Variants in WDFY3 observed in about 807,000 individuals in gnomAD.
The protein encoded by WDFY3 is WD repeat and FYVE domain-containing protein 3.
In WDFY3, 66 loss-of-function variants were observed where a neutral mutation model predicts 409.6. That is an observed-to-expected ratio of 0.16 (90% CI 0.13 to 0.20). WDFY3 has a LOEUF of 0.20. Among genes scored for constraint, WDFY3 ranks in the 10% least tolerant of loss-of-function variants. The pLI is 1.00. For synonymous variants in WDFY3, 1,521 were observed against 1,537.1 expected (o/e 0.99, Z 0.25); for missense variants, 3,031 against 4,298.1 (o/e 0.71, Z 8.24).
chr4:84,889,746 GT>G (rs1192450261), intron 3 of WDFY3, among the ~76,000 whole-genome samples: 1 of 152,104 alleles, frequency 6.6e-6, no homozygotes, highest in Non-Finnish European at 1.5e-5. Flanking sequence ...GCTTTATAAT[GT>G]TGTAAGAAAA....
chr4:84,787,844 A>T, intron 22 of WDFY3, 131 bp from the exon 23 acceptor site: 1 of 809,412 alleles, frequency 1.2e-6, no homozygotes, highest in Non-Finnish European at 1.9e-6. Flanking sequence ...TTTGGGGTGG[A>T]GAAACAGGAA....
chr4:84,691,173 A>T (rs1205043129), intron 60 of WDFY3, among the ~76,000 whole-genome samples: 1 of 152,210 alleles, frequency 6.6e-6, no homozygotes, highest in Non-Finnish European at 1.5e-5. Context: ...TGTCTCTCCA[A>T]GAGGTACTTA....
At chr4:84,915,400 T>C (rs1043057779) in intron 2 of WDFY3, among the ~76,000 whole-genome samples, 3 of 152,190 alleles carry the variant, frequency 2.0e-5, no homozygotes, top group African/African-American at 4.8e-5. Flanking sequence ...AGAATTTAAT[T>C]TGATCTAAAG....
chr4:84,932,982 G>T (rs1770957704), intron 1 of WDFY3, among the ~76,000 whole-genome samples: 1 of 152,072 alleles, frequency 6.6e-6, no homozygotes, highest in Non-Finnish European at 1.5e-5. Flanking sequence ...ATGAGATCTA[G>T]TTTCTTAGGC....
chr4:84,762,699 T>C (rs1475207119), intron 32 of WDFY3, among the ~76,000 whole-genome samples: 2 of 152,186 alleles, frequency 1.3e-5, no homozygotes, highest in African/African-American at 2.4e-5. Flanking sequence ...TGTAAAATTA[T>C]TGTTTTCTTT....
chr4:84,931,276 A>G (rs1770732173), intron 2 of WDFY3, among the ~76,000 whole-genome samples: 1 of 152,220 alleles, frequency 6.6e-6, no homozygotes, highest in South Asian at 2.1e-4. Context: ...CTTTAAAACA[A>G]AGAAAGCCAA....
At chr4:84,928,340 G>A (rs930539510) in intron 2 of WDFY3, among the ~76,000 whole-genome samples, 1 of 152,142 alleles carries the variant, frequency 6.6e-6, no homozygotes, top group African/African-American at 2.4e-5. Context: ...GACTTGGACT[G>A]AGTCATGCTA....
chr4:84,844,578 G>A, intron 5 of WDFY3: 1 of 1,225,248 alleles, frequency 8.2e-7, no homozygotes, highest in Non-Finnish European at 1.1e-6. Context: ...CACCACAAGA[G>A]TACTGGGGTC....
chr4:84,765,469 A>G (rs1213759746), intron 32 of WDFY3, among the ~76,000 whole-genome samples: 1 of 152,192 alleles, frequency 6.6e-6, no homozygotes, highest in Non-Finnish European at 1.5e-5. Flanking sequence ...GAACTGGCAC[A>G]CAGTAAGTAC....
chr4:84,903,630 GTT>G (rs1318754785), intron 2 of WDFY3, among the ~76,000 whole-genome samples: 1 of 152,038 alleles, frequency 6.6e-6, no homozygotes, highest in Non-Finnish European at 1.5e-5. Context: ...CTATAATACT[GTT>G]TTAATTCATT....
At chr4:84,897,481 C>T (rs1357632423) in intron 2 of WDFY3, among the ~76,000 whole-genome samples, 3 of 152,134 alleles carry the variant, frequency 2.0e-5, no homozygotes, top group Non-Finnish European at 2.9e-5. Flanking sequence ...CTCCCAAATT[C>T]AAGTGATTTT....
rs111684240 is a variant in WDFY3, at chr4:84,912,829, T to C, written c.-131-15819A>G. Reference sequence around the variant, plus strand: ...ACCAGGATTTAAGGGTATAAAGGGATAGACTAACTCCTGTTTTGAGCAAAT... The same window carrying C: ...ACCAGGATTTAAGGGTATAAAGGGACAGACTAACTCCTGTTTTGAGCAAAT... On this transcript the variant is annotated intron_variant, in intron 2 of 67. Coordinates refer to ENST00000295888, the MANE Select transcript of WDFY3 (RefSeq NM_014991.6). 4.4e-3 allele frequency among the ~76,000 whole-genome samples: 666 copies of C among 152,314 alleles called. 4 individuals are homozygous for C. Among genetic ancestry groups the C allele is most frequent in the African/African-American group, 0.014 (579 of 41,582 alleles).
intron 2 of WDFY3, among the ~76,000 whole-genome samples, chr4:84,925,228 C>A (rs909594455): frequency 4.6e-5 from 7 of 152,118 alleles, no homozygotes; most frequent in African/African-American, 1.7e-4. Context: ...AATTTCTACT[C>A]TATTAGCCTC....
Position 84,709,085 on chromosome 4 carries a change from T to G in WDFY3, c.8098-57A>C, listed in dbSNP as rs558822431. ...ATCGATTATTTCCACTATGTTCAGC[T>G]TTTAAAATTTTATATACAAAATGAT... On this transcript the variant is annotated intron_variant, in intron 52 of 67. Transcript: ENST00000295888. 437 of 1,588,346 alleles carry G rather than the reference T, an allele frequency of 2.8e-4. 2 individuals carry two copies. The highest frequency in any genetic ancestry group is 1.7e-3 in the Middle Eastern group (10 of 5,856).
At chr4:84,947,427 G>A (rs1018183882) in intron 1 of WDFY3, among the ~76,000 whole-genome samples, 5 of 149,482 alleles carry the variant, frequency 3.3e-5, no homozygotes, top group Non-Finnish European at 7.4e-5. Context: ...CAGGAGAATC[G>A]CTTGAACTCG....
intron 7 of WDFY3, among the ~76,000 whole-genome samples, chr4:84,833,513 C>T (rs1467205026): frequency 6.6e-6 from 1 of 151,826 alleles, no homozygotes; most frequent in Non-Finnish European, 1.5e-5. Context: ...TCCATCTCTA[C>T]AAAAAATTAG....
At chr4:84,700,616 T>C (rs1003827854) in intron 56 of WDFY3, among the ~76,000 whole-genome samples, 14 of 152,152 alleles carry the variant, frequency 9.2e-5, no homozygotes, top group African/African-American at 3.4e-4. Flanking sequence ...TAAAAGTAGA[T>C]TGGTTAGTTG....
At chr4:84,956,538 G>A (rs1352160476) in intron 1 of WDFY3, among the ~76,000 whole-genome samples, 2 of 152,064 alleles carry the variant, frequency 1.3e-5, no homozygotes, top group Admixed American at 6.6e-5. Context: ...TACTTTAAAG[G>A]GATTAGGCCA....
In WDFY3 at chr4:84,836,959, A is replaced by G; in HGVS notation, c.546T>C (p.Arg182=). Residue 182 remains arginine, a synonymous_variant, in exon 7 of 68, where the codon CGT becomes CGC. Coordinates refer to ENST00000295888, the MANE Select transcript of WDFY3 (RefSeq NM_014991.6). ...CAAAAACTTTCTGGAGTAGTCCTCG[A>G]CGTTCTGCTAGAGGTAGCTCATTCT... ...GAQNELPLAE[R]RGLLQKVFVQ... The G allele has an allele frequency of 6.3e-7, 1 of 1,586,664 alleles. No homozygotes were observed. The highest frequency in any genetic ancestry group is 8.6e-7 in the Non-Finnish European group (1 of 1,166,648).
Sources: allele counts gnomAD v4.1 joint callset (sites outside exome capture counted in the v4.1 genomes callset), GRCh38; gene constraint gnomAD v4.1.1; transcripts MANE v1.5; gene names NCBI Gene and HGNC (gene_info 2026-07-23, HGNC 2026-07-21).